The following POLN variants were observed in gnomAD, a reference collection of about 807,000 sequenced individuals.
POLN encodes DNA polymerase nu, also known as DNA polymerase N.
A neutral mutation model predicts 113.5 loss-of-function variants in POLN; 108 were observed. The observed-to-expected ratio is 0.95, with a 90% CI of 0.81 to 1.12. The LOEUF is 1.12. Ranked by LOEUF, POLN falls within the 50% of genes most tolerant of loss-of-function variation. The pLI is 0.00. For synonymous variants in POLN, 386 were observed against 391.5 expected (o/e 0.99, Z 0.17); for missense variants, 1,097 against 1,077.1 (o/e 1.02, Z -0.26).
intron 5 of POLN, among the ~76,000 whole-genome samples, chr4:2,201,823 G>A (rs911765082): frequency 2.0e-5 from 3 of 152,130 alleles, no homozygotes; most frequent in Non-Finnish European, 4.4e-5. Flanking sequence ...AACCTATAAA[G>A]GAAAACCTAT....
chr4:2,154,573 G>A (rs1009674933), intron 16 of POLN, among the ~76,000 whole-genome samples: 5 of 152,278 alleles, frequency 3.3e-5, no homozygotes, highest in Admixed American at 6.5e-5. Context: ...TATTTTTGGC[G>A]AGAGGCTAAT....
chr4:2,124,419 G>GT (rs1455573383), intron 19 of POLN, among the ~76,000 whole-genome samples: 5 of 152,078 alleles, frequency 3.3e-5, no homozygotes, highest in Non-Finnish European at 7.4e-5. Context: ...GGATAGGCGT[G>GT]TGCCACCTCA....
intron 16 of POLN, among the ~76,000 whole-genome samples, chr4:2,154,528 G>T (rs1732377100): frequency 6.6e-6 from 1 of 152,182 alleles, no homozygotes; most frequent in Non-Finnish European, 1.5e-5. Context: ...AGGATTAAGG[G>T]ACCAAGCATT....
In POLN at chr4:2,242,089, C is replaced by T. The variant is rs764528346; in HGVS notation, c.-322G>A. ...GCTTGCTTCTCGCAGGAGCCCGCCG[C>T]CACCGCCCTCCGTGCCCCGCGCGCC... is the stretch of plus-strand genomic sequence containing the variant. On this transcript the variant is annotated 5_prime_UTR_variant, in exon 1 of 26. Coordinates refer to ENST00000511885, the MANE Select transcript of POLN (RefSeq NM_181808.4). 14 of 985,914 alleles carry T rather than the reference C, an allele frequency of 1.4e-5. No homozygotes were observed. In the South Asian group the frequency reaches 5.2e-4, roughly 36 times the overall value. 61.1% of individuals were successfully genotyped at this position (985,914 alleles called of 1,614,324 possible).
At chr4:2,081,947 CTTT>C (rs71167773) in intron 21 of POLN, among the ~76,000 whole-genome samples, 4 of 92,554 alleles carry the variant, frequency 4.3e-5, no homozygotes, top group African/African-American at 1.9e-4. Flanking sequence ...GCACTCTGCA[CTTT>C]TTTTTTTTTT....
chr4:2,118,092 G>A (rs2108716730), intron 19 of POLN, among the ~76,000 whole-genome samples: 1 of 152,326 alleles, frequency 6.6e-6, no homozygotes, highest in African/African-American at 2.4e-5. Context: ...TTGGAGAGAT[G>A]TATCCTTTGT....
chr4:2,147,643 C>CTTTTTTTTTTTG (rs1732180885), intron 16 of POLN, among the ~76,000 whole-genome samples: 1 of 79,358 alleles, frequency 1.3e-5, no homozygotes, highest in African/African-American at 4.1e-5. Context: ...TTTTTCTTTT[C>CTTTTTTTTTTTG]TTTTTTTTTT....
At chr4:2,161,650 C>T (rs1368464944) in intron 13 of POLN, among the ~76,000 whole-genome samples, 1 of 152,206 alleles carries the variant, frequency 6.6e-6, no homozygotes, top group African/African-American at 2.4e-5. Flanking sequence ...CTGAGGAGTG[C>T]GGGCGCACGG....
chr4:2,171,060 G>C, intron 12 of POLN, 38 bp downstream of exon 12: 1 of 1,518,488 alleles, frequency 6.6e-7, no homozygotes, highest in South Asian at 1.2e-5. Flanking sequence ...TCCTGAATAA[G>C]AAATACATTT....
intron 2 of POLN, among the ~76,000 whole-genome samples, chr4:2,235,883 T>C (rs996405666): frequency 2.6e-5 from 4 of 152,172 alleles, no homozygotes; most frequent in East Asian, 1.9e-4. Context: ...TACCATTAAG[T>C]GTACACAGAG....
rs151325459 is a variant in POLN, at chr4:2,200,811, A to G, written c.715-2094T>C. On this transcript the variant is annotated intron_variant, in intron 5 of 25. Transcript: ENST00000511885. The stretch of plus-strand genomic sequence containing the variant: ...GTAATATGACAAAACAAGGTTCTTC[A>G]GCATGCCCAAAAAATCATACTAGCT... Among the ~76,000 whole-genome samples the G allele has an allele frequency of 5.5e-4, 84 of 152,326 alleles. 1 individual carries two copies. The highest frequency in any genetic ancestry group is 2.0e-3 in the African/African-American group (82 of 41,580).
intron 23 of POLN, chr4:2,078,571 G>A: frequency 7.1e-6 from 7 of 985,008 alleles, no homozygotes; most frequent in Non-Finnish European, 7.2e-6. Context: ...GTGCCTCCCA[G>A]TGATCGAGTT....
At chr4:2,099,106 T>C (rs778021307) in intron 19 of POLN, among the ~76,000 whole-genome samples, 1 of 152,114 alleles carries the variant, frequency 6.6e-6, no homozygotes, top group Non-Finnish European at 1.5e-5. Context: ...ATTCAAAGGA[T>C]TAAATAAATA....
At chr4:2,144,225 A>C (rs2108732988) in intron 16 of POLN, among the ~76,000 whole-genome samples, 2 of 149,950 alleles carry the variant, frequency 1.3e-5, no homozygotes, top group East Asian at 2.0e-4. Flanking sequence ...GCTCACCACA[A>C]CCTCCACCTC....
chr4:2,233,233 T>C (rs931584569), intron 2 of POLN, among the ~76,000 whole-genome samples: 1 of 152,184 alleles, frequency 6.6e-6, no homozygotes, highest in African/African-American at 2.4e-5. Context: ...AACAATCTCA[T>C]CTTTACCTTC....
chr4:2,089,628 G>C, intron 20 of POLN: 1 of 881,098 alleles, frequency 1.1e-6, no homozygotes, highest in East Asian at 2.6e-5. Context: ...TTTCCAACAA[G>C]CTAGTTAAGC....
rs760916422 is a variant in POLN, at chr4:2,179,475, A to G, written c.1022-10T>C. ...CCTATAAAATCAGCAACTGAAGAGA[A>G]AAAGGTCATTCAGTCATCCCAAGAA... On this transcript the variant is annotated splice_polypyrimidine_tract_variant and intron_variant, in intron 7 of 25. Coordinates refer to ENST00000511885, the MANE Select transcript of POLN (RefSeq NM_181808.4). 7.4e-6 allele frequency: 12 copies of G among 1,611,790 alleles called. No individual in the cohort carries two copies. The highest frequency in any genetic ancestry group is 1.7e-4 in the Middle Eastern group (1 of 6,056).
At chr4:2,099,011 A>C (rs1730863454) in intron 19 of POLN, among the ~76,000 whole-genome samples, 1 of 152,276 alleles carries the variant, frequency 6.6e-6, no homozygotes, top group Non-Finnish European at 1.5e-5. Context: ...AAGCTGGAAC[A>C]ATTTAAGCGA....
At chr4:2,240,258 A>G (rs1220982413) in intron 2 of POLN, 1 of 1,613,840 alleles carries the variant, frequency 6.2e-7, no homozygotes, top group Non-Finnish European at 8.5e-7. Context: ...TGAACTTTCA[A>G]CTACTTCATG....
Sources: allele counts gnomAD v4.1 joint callset (sites outside exome capture counted in the v4.1 genomes callset), GRCh38; gene constraint gnomAD v4.1.1; transcripts MANE v1.5; gene names NCBI Gene and HGNC (gene_info 2026-07-23, HGNC 2026-07-21).